KIF26B: variants seen among roughly 807,000 people sequenced by gnomAD.
KIF26B encodes kinesin family member 26B, also known as kinesin-like protein KIF26B.
KIF26B carries 63 observed loss-of-function variants against 151.2 expected under a neutral mutation model. That is an observed-to-expected ratio of 0.42 (90% CI 0.34 to 0.51). The LOEUF is 0.51. Ranked by LOEUF, KIF26B falls within the 20% of genes least tolerant of loss-of-function variation. KIF26B has a pLI of 0.07. For synonymous variants in KIF26B, 1,357 were observed against 1,262.1 expected, an observed-to-expected ratio of 1.08 and a Z score of -1.59; for missense variants, 2,813 against 2,913.6, an observed-to-expected ratio of 0.97 and a Z score of 0.79.
intron 4 of KIF26B, among the ~76,000 whole-genome samples, chr1:245,446,089 A>G (rs1482192669): frequency 4.6e-5 from 7 of 152,238 alleles, no homozygotes; most frequent in Admixed American, 2.6e-4. Flanking sequence ...TGCACTTAAC[A>G]TAAGCCTAAA....
intron 4 of KIF26B, among the ~76,000 whole-genome samples, chr1:245,428,017 T>C (rs1411936145): frequency 6.6e-6 from 1 of 152,196 alleles, no homozygotes; most frequent in Non-Finnish European, 1.5e-5. Flanking sequence ...TCTGGGGCTC[T>C]GTCAATCCTC....
intron 4 of KIF26B, among the ~76,000 whole-genome samples, chr1:245,436,715 CA>C (rs973564205): frequency 3.3e-5 from 5 of 152,072 alleles, no homozygotes; most frequent in Admixed American, 2.6e-4. Flanking sequence ...TAGTATTTGA[CA>C]AAACAACTGG....
intron 4 of KIF26B, among the ~76,000 whole-genome samples, chr1:245,486,788 A>C (rs762336004): frequency 1.3e-5 from 2 of 152,164 alleles, no homozygotes; most frequent in African/African-American, 2.4e-5. Flanking sequence ...CTCTCGCCTC[A>C]GTCTCCCAAG....
chr1:245,314,083 G>T (rs1044659843), intron 2 of KIF26B, among the ~76,000 whole-genome samples: 7 of 152,176 alleles, frequency 4.6e-5, no homozygotes, highest in Non-Finnish European at 8.8e-5. Context: ...GCTCTTGTAT[G>T]TGAGTCCCTA....
intron 10 of KIF26B, among the ~76,000 whole-genome samples, chr1:245,659,646 C>T (rs1236406574): frequency 6.6e-6 from 1 of 152,056 alleles, no homozygotes; most frequent in Non-Finnish European, 1.5e-5. Context: ...AGCTTTTGCA[C>T]CAGTAGGACA....
rs565049486 is a variant in KIF26B at position 245,702,132 on chromosome 1, T to C, written c.6179-326T>C. On this transcript the variant is annotated intron_variant, in intron 14 of 14. Transcript: ENST00000407071. The surrounding 1 kb of genome is among the most constrained non-coding windows in gnomAD (Gnocchi z 4.1). ...AATTATTTACTTGATTGATTGATAG[T>C]GAATAGTGTGGTAGCGTCTCTCAAA... is the stretch of plus-strand genomic sequence containing the variant. Among the ~76,000 whole-genome samples the C allele has an allele frequency of 3.3e-5, 5 of 150,702 alleles. No homozygotes were observed. Among genetic ancestry groups the C allele is most frequent in the African/African-American group, 9.8e-5 (4 of 40,770 alleles).
chr1:245,330,057 A>C (rs923299048), intron 2 of KIF26B, among the ~76,000 whole-genome samples: 9 of 152,010 alleles, frequency 5.9e-5, no homozygotes, highest in Non-Finnish European at 1.2e-4. Flanking sequence ...TCTGAAGTGC[A>C]AAGATTACAG....
intron 2 of KIF26B, among the ~76,000 whole-genome samples, chr1:245,256,971 T>C (rs548379182): frequency 1.1e-4 from 17 of 152,298 alleles, no homozygotes; most frequent in Non-Finnish European, 2.5e-4. Flanking sequence ...AGTAGAGAAT[T>C]AACTAAGAAT....
chr1:245,677,946 C>G (rs145996559), intron 10 of KIF26B, among the ~76,000 whole-genome samples: 18 of 152,330 alleles, frequency 1.2e-4, no homozygotes, highest in African/African-American at 4.1e-4. Context: ...CAGCCTTTCC[C>G]ATGAGGGATA....
chr1:245,469,969 C>G (rs1659875037), intron 4 of KIF26B, among the ~76,000 whole-genome samples: 1 of 151,280 alleles, frequency 6.6e-6, no homozygotes, highest in African/African-American at 2.4e-5. Flanking sequence ...TTCAAAGAAA[C>G]CGGAGGTCAC....
At chr1:245,647,489 T>C (rs2043964747) in intron 10 of KIF26B, among the ~76,000 whole-genome samples, 1 of 145,266 alleles carries the variant, frequency 6.9e-6, no homozygotes, top group South Asian at 2.2e-4. Context: ...CTATGGCCAA[T>C]AACCAATGAT....
At chr1:245,233,189 A>G (rs1392653878) in intron 2 of KIF26B, among the ~76,000 whole-genome samples, 1 of 152,210 alleles carries the variant, frequency 6.6e-6, no homozygotes. Flanking sequence ...ACACATTTCC[A>G]TCCTCCAAGA....
intron 3 of KIF26B, among the ~76,000 whole-genome samples, chr1:245,419,365 A>T (rs974989781): frequency 6.6e-6 from 1 of 152,174 alleles, no homozygotes; most frequent in Non-Finnish European, 1.5e-5. Flanking sequence ...GGATAATTTT[A>T]TACCATTATT....
Position 245,219,699 on chromosome 1 carries a change from A to G in KIF26B, c.465+63016A>G, listed in dbSNP as rs529440784. ...CTGTGAGCTGTGATTGCACCGCTGC[A>G]CTCTAGCCTGCGCAACAGAGTGAGA... On this transcript the variant is annotated intron_variant, in intron 2 of 14. Coordinates refer to ENST00000407071, the MANE Select transcript of KIF26B (RefSeq NM_018012.4). Among the ~76,000 whole-genome samples the G allele has an allele frequency of 3.1e-4, 47 of 152,144 alleles. 2 individuals are homozygous for G. The highest frequency in any genetic ancestry group is 1.0e-3 in the African/African-American group (43 of 41,530).
At chr1:245,303,010 A>AAAAG (rs1553342656) in intron 2 of KIF26B, among the ~76,000 whole-genome samples, 40 of 149,168 alleles carry the variant, frequency 2.7e-4, no homozygotes, top group African/African-American at 4.4e-4. Context: ...AAAAAAAAAA[A>AAAAG]AAAGAAAGAA....
intron 2 of KIF26B, among the ~76,000 whole-genome samples, chr1:245,188,507 G>A (rs4658445): frequency 0.87 from 131,997 of 152,070 alleles, 57,841 homozygotes; most frequent in Non-Finnish European, 0.94. Flanking sequence ...TTCCCTCTGT[G>A]CTTTGCAAAC....
chr1:245,245,606 C>T (rs916280999), intron 2 of KIF26B, among the ~76,000 whole-genome samples: 1 of 152,200 alleles, frequency 6.6e-6, no homozygotes, highest in South Asian at 2.1e-4. Flanking sequence ...GCCTGGCCAA[C>T]ATGGTGAAAC....
intron 5 of KIF26B, among the ~76,000 whole-genome samples, chr1:245,600,698 C>T (rs141369662): frequency 1.3e-3 from 204 of 151,972 alleles, no homozygotes; most frequent in African/African-American, 4.7e-3. Flanking sequence ...TGAGGCTGGG[C>T]GTGGCACCCA....
At position 245,540,568 on chromosome 1, in the gene KIF26B, T is replaced by G. The variant is rs1204593810; in HGVS notation, c.1167-199T>G. On this transcript the variant is annotated intron_variant, in intron 4 of 14. Coordinates refer to ENST00000407071, the MANE Select transcript of KIF26B (RefSeq NM_018012.4). The surrounding 1 kb of genome is among the most constrained non-coding windows in gnomAD (Gnocchi z 4.6). The stretch of plus-strand genomic sequence containing the variant: ...CTATTTTATGGCTTTGTTTTTCCTT[T>G]TGTCGTATAAATGATTGGGTAGCTC... 2.8e-6 allele frequency: 2 copies of G among 711,728 alleles called. No homozygotes were observed. The highest frequency in any genetic ancestry group is 5.2e-6 in the Non-Finnish European group (2 of 387,518). 44.1% of individuals were successfully genotyped at this position (711,728 alleles called of 1,614,324 possible). A position where few individuals can be genotyped will look rare whatever the true frequency, so the allele number is the denominator to read the frequency against.
Sources: allele counts gnomAD v4.1 joint callset (sites outside exome capture counted in the v4.1 genomes callset), GRCh38; gene constraint gnomAD v4.1.1; non-coding constraint Gnocchi (gnomAD v3.1); transcripts MANE v1.5; gene names NCBI Gene and HGNC (gene_info 2026-07-23, HGNC 2026-07-21).